The following RIPPLY2 variants were observed in gnomAD, a reference collection of about 807,000 sequenced individuals.
RIPPLY2 encodes the protein protein ripply2.
RIPPLY2 carries 20 observed loss-of-function variants against 17.7 expected under a neutral mutation model. That is an observed-to-expected ratio of 1.13 (90% CI 0.79 to 1.64). RIPPLY2 has a LOEUF of 1.64. RIPPLY2 is among the 40% of genes most tolerant of loss of function. The pLI is 0.00. For synonymous variants in RIPPLY2, 69 were observed against 63.9 expected, an observed-to-expected ratio of 1.08 and a Z score of -0.38; for missense variants, 213 against 169.8, an observed-to-expected ratio of 1.25 and a Z score of -1.41.
intron 2 of RIPPLY2, 91 bp downstream of exon 2, chr6:83,853,864 G>A: frequency 1.7e-6 from 2 of 1,202,466 alleles, no homozygotes; most frequent in Non-Finnish European, 1.2e-6. Context: ...AGAGACATGC[G>A]AGACACCGGG....
chr6:83,857,442 G>T lies in RIPPLY2; in HGVS notation c.*53G>T, dbSNP rs916408179. 3 of 1,131,736 alleles carry T rather than the reference G, an allele frequency of 2.7e-6. No homozygotes were observed. The Admixed American group carries it at 8.5e-5, about 32-fold the overall frequency. The allele number at this position is 1,131,736 out of a possible 1,614,324, so 70.1% of individuals were successfully genotyped here. A position where few individuals can be genotyped will look rare whatever the true frequency, so the allele number is the denominator to read the frequency against. ...AAAGCTTGTGGGGTTTAAATTTAGT[G>T]TACAAATGTATCATAATTATTTTAA... is the stretch of plus-strand genomic sequence containing the variant. On this transcript the variant is annotated 3_prime_UTR_variant, in exon 4 of 4. Coordinates refer to ENST00000369689, the MANE Select transcript of RIPPLY2 (RefSeq NM_001009994.3).
intron 3 of RIPPLY2, chr6:83,854,869 G>A (rs4707020): frequency 0.18 from 27,112 of 152,300 alleles, 5,029 homozygotes; most frequent in African/African-American, 0.46. Context: ...CCTACCGTGT[G>A]CTAGCACTGG....
At chr6:83,853,860 A>T in intron 2 of RIPPLY2, 87 bp downstream of exon 2, 1 of 1,238,992 alleles carries the variant, frequency 8.1e-7, no homozygotes, top group Non-Finnish European at 1.2e-6. Flanking sequence ...TGAGAGAGAC[A>T]TGCGAGACAC....
chr6:83,856,950 T>A (rs954756027), intron 3 of RIPPLY2: 1 of 165,092 alleles, frequency 6.1e-6, no homozygotes, highest in Non-Finnish European at 1.3e-5. Context: ...ATATCCATAA[T>A]GTACAAAGTA....
Position 83,857,241 on chromosome 6 carries a change from G to C in RIPPLY2, c.240-1G>C, listed in dbSNP as rs374534967. 6.7e-7 allele frequency: 1 copy of C among 1,483,612 alleles called. No homozygotes were observed. The highest frequency in any genetic ancestry group is 9.0e-7 in the Non-Finnish European group (1 of 1,115,618). The allele number at this position is 1,483,612 out of a possible 1,614,324, so 91.9% of individuals were successfully genotyped here. The stretch of plus-strand genomic sequence containing the variant: ...TAAAACATGTTGTCTGCTTCTTTCA[G>C]ACTATTTTGGCCAAAATCAAAATGT... On this transcript the variant is annotated splice_acceptor_variant, in intron 3 of 3. Transcript: ENST00000369689. LOFTEE classifies it high-confidence loss of function.
At chr6:83,853,609 C>T in intron 1 of RIPPLY2, 86 bp from the exon 2 acceptor site, 1 of 1,554,020 alleles carries the variant, frequency 6.4e-7, no homozygotes, top group Non-Finnish European at 8.7e-7. Flanking sequence ...TCCCCCACTG[C>T]CCGGTGCCAG....
At chr6:83,856,337 G>A (rs1034736753) in intron 3 of RIPPLY2, 5 of 152,152 alleles carry the variant, frequency 3.3e-5, no homozygotes, top group African/African-American at 4.8e-5. Context: ...GCCTTTTAAA[G>A]TGGAGCATAC....
At chr6:83,856,193 G>A (rs934769508) in intron 3 of RIPPLY2, 4 of 152,160 alleles carry the variant, frequency 2.6e-5, no homozygotes, top group African/African-American at 9.7e-5. Flanking sequence ...TGTGAATTAT[G>A]TTGGCACAAG....
upstream of RIPPLY2, chr6:83,853,268 G>C: frequency 1.6e-6 from 1 of 630,772 alleles, no homozygotes; most frequent in Non-Finnish European, 2.6e-6. Flanking sequence ...TTGTTTATGC[G>C]GCTAGCAGGG....
At position 83,853,507 on chromosome 6, in the gene RIPPLY2, T is replaced by C. The variant is rs2099454520; in HGVS notation, c.91T>C (p.Ser31Pro). The change falls in exon 1 of 4, where the codon TCC becomes CCC. Residue 31 changes from serine (S) to proline (P), a missense_variant. Physicochemically the swap from Ser to Pro is moderately conservative, Grantham distance 74. Coordinates refer to ENST00000369689, the MANE Select transcript of RIPPLY2 (RefSeq NM_001009994.3). ...CCCTACGCGGCGCGCGGGCGCGGACTCCGGGTAGGCTTCCCCGCGCTGCTC... is the reference window on the plus strand; with the variant it reads ...CCCTACGCGGCGCGCGGGCGCGGACCCCGGGTAGGCTTCCCCGCGCTGCTC... ...DGPTRRAGADSGYAGFWRPWV... is the reference protein window; with the variant it reads ...DGPTRRAGADPGYAGFWRPWV... 3 of 1,538,516 alleles carry C rather than the reference T, an allele frequency of 1.9e-6. No homozygotes were observed. The highest frequency in any genetic ancestry group is 1.7e-6 in the Non-Finnish European group (2 of 1,145,458).
chr6:83,853,290 G>C, upstream of RIPPLY2: 1 of 684,904 alleles, frequency 1.5e-6, no homozygotes, highest in Non-Finnish European at 2.3e-6. Context: ...GAGGGGCGGA[G>C]AGGCAGCGAA....
At chr6:83,853,248 C>A, upstream of RIPPLY2, 1 of 590,306 alleles carries the variant, frequency 1.7e-6, no homozygotes, top group Non-Finnish European at 2.9e-6. Context: ...CGCCTTCACG[C>A]GCAGCCTTTT....
intron 3 of RIPPLY2, chr6:83,857,027 G>C: frequency 3.6e-6 from 1 of 277,172 alleles, no homozygotes; most frequent in Non-Finnish European, 6.7e-6. Flanking sequence ...TTTACAGCTT[G>C]AATAAAGATT....
At chr6:83,854,327 AG>A (rs2129124985) in intron 3 of RIPPLY2, 166 bp downstream of exon 3, 1 of 637,218 alleles carries the variant, frequency 1.6e-6, no homozygotes, top group East Asian at 2.7e-5. Context: ...TGAAAAAGGT[AG>A]GGGCTCACGG....
chr6:83,853,722 G>A lies in RIPPLY2; in HGVS notation c.123G>A (p.Val41=). 6.2e-6 allele frequency: 10 copies of A among 1,613,782 alleles called. No individual in the cohort carries two copies. The highest frequency in any genetic ancestry group is 2.2e-5 in the South Asian group (2 of 91,038). Residue 41 remains valine (V), a synonymous_variant, in exon 2 of 4, where the codon GTG becomes GTA. Coordinates refer to ENST00000369689, the MANE Select transcript of RIPPLY2 (RefSeq NM_001009994.3). ...SGYAGFWRPW[V]DAGGKKEEET... is the part of the protein sequence containing the mutation. ...ACGCAGGCTTCTGGAGACCCTGGGTGGACGCCGGAGGCAAGAAAGAAGAGG... is the reference window on the plus strand; with the variant it reads ...ACGCAGGCTTCTGGAGACCCTGGGTAGACGCCGGAGGCAAGAAAGAAGAGG...
chr6:83,854,316 T>C, intron 3 of RIPPLY2, 155 bp downstream of exon 3: 2 of 652,508 alleles, frequency 3.1e-6, no homozygotes, highest in Non-Finnish European at 5.4e-6. Context: ...ACTCATCAAA[T>C]TGAAAAAGGT....
In RIPPLY2 at chr6:83,853,683, C is replaced by T. The variant is rs774765771; in HGVS notation, c.96-12C>T. The T allele has an allele frequency of 1.8e-5, 29 of 1,612,942 alleles. No homozygotes were observed. The East Asian group carries it at 6.5e-4, about 36-fold the overall frequency. The stretch of plus-strand genomic sequence containing the variant: ...GTCTCCTCTGCGCGCCTTGTGCTCC[C>T]CTATCCCGCAGATACGCAGGCTTCT... On this transcript the variant is annotated splice_polypyrimidine_tract_variant and intron_variant, in intron 1 of 3. Coordinates refer to ENST00000369689, the MANE Select transcript of RIPPLY2 (RefSeq NM_001009994.3).
upstream of RIPPLY2, chr6:83,853,288 G>A (rs1035797028): frequency 3.0e-6 from 2 of 677,272 alleles, no homozygotes; most frequent in Non-Finnish European, 4.8e-6. Context: ...GAGAGGGGCG[G>A]AGAGGCAGCG....
chr6:83,853,265 T>C (rs911918821), upstream of RIPPLY2: 2 of 622,558 alleles, frequency 3.2e-6, no homozygotes, highest in South Asian at 2.0e-5. Context: ...TTTTTGTTTA[T>C]GCGGCTAGCA....
Sources: allele counts gnomAD v4.1 joint callset, GRCh38; gene constraint gnomAD v4.1.1; transcripts MANE v1.5; gene names NCBI Gene and HGNC (gene_info 2026-07-23, HGNC 2026-07-21).